The following EIF3L variants were observed in gnomAD, a reference collection of about 807,000 sequenced individuals.
The protein encoded by EIF3L is eukaryotic translation initiation factor 3 subunit L, also known as eIEF associated protein HSPC021.
Under a neutral mutation model 74.6 loss-of-function variants are expected in EIF3L, and 32 were observed. The ratio of observed to expected loss-of-function variants is 0.43; its 90% CI spans 0.32 to 0.58. EIF3L has a LOEUF of 0.58. Among genes scored for constraint, EIF3L ranks in the 20% least tolerant of loss-of-function variants. The pLI is 0.06. For missense variants in EIF3L, 474 were observed against 707.8 expected (o/e 0.67, Z 3.75); for synonymous variants, 256 against 254.4 (o/e 1.01, Z -0.06).
chr22:37,849,633 C>G (rs1925051655), intron 1 of EIF3L, 151 bp downstream of exon 1: 2 of 835,206 alleles, frequency 2.4e-6, no homozygotes, highest in Non-Finnish European at 3.8e-6. Context: ...AGTTCCCGGT[C>G]CCTAGACAAC....
chr22:37,874,460 A>G lies in EIF3L; in HGVS notation c.842A>G (p.His281Arg), dbSNP rs202247175. ...AGCCTGGTCGGGCTTCTCCGCCTGC[A>G]CTCCCTGTTAGGAGATTACTACCAG... Reference protein sequence around the residue: ...YFSLVGLLRLHSLLGDYYQAI... With the variant: ...YFSLVGLLRLRSLLGDYYQAI... Residue 281 changes from histidine (H) to arginine (R), a missense_variant, in exon 9 of 13, where the codon CAC (histidine) becomes CGC (arginine). Physicochemically the swap from His to Arg is conservative, Grantham distance 29. Around this residue, in one of 4 missense-constraint regions of EIF3L, gnomAD observed 293 missense variants for 469.1 expected, o/e 0.62. Coordinates refer to ENST00000652021, the MANE Select transcript of EIF3L (RefSeq NM_016091.4). The G allele has an allele frequency of 1.2e-6, 2 of 1,613,954 alleles. No homozygotes were observed. The highest frequency in any genetic ancestry group is 2.2e-5 in the East Asian group (1 of 44,868).
At chr22:37,866,582 G>C (rs1164221364) in intron 7 of EIF3L, among the ~76,000 whole-genome samples, 1 of 152,076 alleles carries the variant, frequency 6.6e-6, no homozygotes, top group Non-Finnish European at 1.5e-5. Context: ...TCAGGAGTTC[G>C]AGACCAGCCT....
intron 12 of EIF3L, chr22:37,888,209 G>T (rs1927420022): frequency 1.9e-6 from 1 of 535,608 alleles, no homozygotes; most frequent in Non-Finnish European, 3.3e-6. Context: ...GTATGGGTTT[G>T]TTGAGTGTGA....
At chr22:37,886,215 A>C (rs1927311605) in intron 11 of EIF3L, 1 of 151,226 alleles carries the variant, frequency 6.6e-6, no homozygotes, top group Non-Finnish European at 1.5e-5. Flanking sequence ...AAAGACTAGA[A>C]AATAAAAGAC....
chr22:37,884,285 G>A (rs1004704053), intron 11 of EIF3L: 1 of 152,084 alleles, frequency 6.6e-6, no homozygotes, highest in Non-Finnish European at 1.5e-5. Context: ...ACTGCATTTT[G>A]TTTATCCATT....
intron 11 of EIF3L, chr22:37,880,749 G>C (rs1292962044): frequency 6.6e-6 from 1 of 152,156 alleles, no homozygotes; most frequent in Non-Finnish European, 1.5e-5. Flanking sequence ...CAAAATGCTG[G>C]GATTACTGGT....
At chr22:37,852,460 T>C (rs531503048) in intron 3 of EIF3L, among the ~76,000 whole-genome samples, 9 of 152,252 alleles carry the variant, frequency 5.9e-5, no homozygotes, top group African/African-American at 1.7e-4. Flanking sequence ...GGGCTGCCGT[T>C]GTGTAATGAG....
intron 1 of EIF3L, 44 bp downstream of exon 1, chr22:37,849,526 T>C: frequency 6.4e-7 from 1 of 1,551,780 alleles, no homozygotes; most frequent in South Asian, 1.2e-5. Context: ...GACGGGGTGA[T>C]CTCTGGGACC....
chr22:37,855,644 G>A lies in EIF3L; in HGVS notation c.373G>A (p.Asp125Asn). 1 of 1,613,814 alleles carries A rather than the reference G, an allele frequency of 6.2e-7. No homozygotes were observed. The highest frequency in any genetic ancestry group is 8.5e-7 in the Non-Finnish European group (1 of 1,179,738). ...AGCCATTGCTCCACAGGTTGGCAAT[G>A]GTAGGTGTGAGCTCTTTATATCTTG... ...AEAIAPQVGN[D>N]AVFLILYKEL... is the part of the protein sequence containing the mutation. The change falls in exon 4 of 13, where the codon GAT (aspartate) becomes AAT (asparagine). Residue 125 changes from aspartate to asparagine, a missense_variant and splice_region_variant. Around this residue, in one of 4 missense-constraint regions of EIF3L, gnomAD observed 141 missense variants for 197.7 expected, o/e 0.71. Coordinates refer to ENST00000652021, the MANE Select transcript of EIF3L (RefSeq NM_016091.4).
intron 11 of EIF3L, chr22:37,883,691 A>T (rs1390065062): frequency 6.6e-6 from 1 of 152,294 alleles, no homozygotes; most frequent in Non-Finnish European, 1.5e-5. Flanking sequence ...AGGCTGGCAG[A>T]TCACTTGAGA....
intron 7 of EIF3L, among the ~76,000 whole-genome samples, chr22:37,868,059 T>G (rs1238464752): frequency 6.6e-6 from 1 of 151,500 alleles, no homozygotes; most frequent in Non-Finnish European, 1.5e-5. Flanking sequence ...ATTCTTTGCC[T>G]GTTTTCTATT....
intron 1 of EIF3L, 47 bp from the exon 2 acceptor site, chr22:37,849,968 A>G (rs768160611): frequency 6.2e-7 from 1 of 1,610,500 alleles, no homozygotes; most frequent in Non-Finnish European, 8.5e-7. Flanking sequence ...GAGCGTTTTG[A>G]ATTCACGACT....
At chr22:37,877,342 C>T (rs997627131) in intron 10 of EIF3L, 9 of 259,434 alleles carry the variant, frequency 3.5e-5, no homozygotes, top group East Asian at 1.5e-4. Context: ...ATATTTCTGT[C>T]GTCATCAAGG....
chr22:37,856,160 C>T (rs1469676890), intron 4 of EIF3L, among the ~76,000 whole-genome samples: 2 of 151,976 alleles, frequency 1.3e-5, no homozygotes, highest in African/African-American at 2.4e-5. Flanking sequence ...CAGGTTCAAG[C>T]GATTCTCCTA....
intron 9 of EIF3L, 72 bp downstream of exon 9, chr22:37,874,596 T>G: frequency 6.7e-7 from 1 of 1,490,886 alleles, no homozygotes; most frequent in Non-Finnish European, 9.1e-7. Flanking sequence ...CTCTGATCTC[T>G]TAGGACAAAT....
At chr22:37,886,279 A>G (rs1467408271) in intron 11 of EIF3L, 2 of 151,838 alleles carry the variant, frequency 1.3e-5, no homozygotes, top group Non-Finnish European at 2.9e-5. Context: ...AAAAATATAT[A>G]TAAACTAGGC....
At chr22:37,853,508 G>A (rs2145797007) in intron 3 of EIF3L, among the ~76,000 whole-genome samples, 1 of 152,318 alleles carries the variant, frequency 6.6e-6, no homozygotes, top group Admixed American at 6.5e-5. Flanking sequence ...GTGGCAGCAT[G>A]CCTATAGTCC....
At chr22:37,885,432 T>C (rs1336552607) in intron 11 of EIF3L, 9 of 152,140 alleles carry the variant, frequency 5.9e-5, no homozygotes, top group African/African-American at 1.9e-4. Context: ...CAGGTTTGTC[T>C]TTGGCAAAGT....
At chr22:37,863,187 G>A in intron 6 of EIF3L, 85 bp from the exon 7 acceptor site, 1 of 1,298,614 alleles carries the variant, frequency 7.7e-7, no homozygotes. Context: ...GTCCTTTTAA[G>A]AGAGAAATTA....
Sources: gnomAD v4.1 joint callset for allele counts (sites outside exome capture counted in the v4.1 genomes callset) on GRCh38, gnomAD v4.1.1 for gene constraint, gnomAD v4.1.1 regional missense constraint, MANE v1.5 for transcripts, NCBI Gene and HGNC (gene_info 2026-07-23, HGNC 2026-07-21) for gene names.